IMPA2: variants seen among roughly 807,000 people sequenced by gnomAD.
The protein encoded by IMPA2 is inositol monophosphatase 2, also known as IMP 2.
Under a neutral mutation model 35.1 loss-of-function variants are expected in IMPA2, and 32 were observed. The ratio of observed to expected loss-of-function variants is 0.91; its 90% CI spans 0.69 to 1.23. The LOEUF (loss-of-function observed/expected upper bound fraction) is 1.23. Ranked by LOEUF, IMPA2 falls within the 50% of genes most tolerant of loss-of-function variation. IMPA2 has a pLI of 0.00. For missense variants in IMPA2, 334 were observed against 387.6 expected (o/e 0.86, Z 1.16); for synonymous variants, 135 against 160.6 (o/e 0.84, Z 1.20).
intron 2 of IMPA2, among the ~76,000 whole-genome samples, chr18:12,001,102 G>T (rs1265916): frequency 0.41 from 62,452 of 151,054 alleles, 14,867 homozygotes; most frequent in East Asian, 0.64. Flanking sequence ...GGTGGCGTGG[G>T]CCTGTAATTC....
At chr18:11,997,471 A>G (rs1906992326) in intron 1 of IMPA2, among the ~76,000 whole-genome samples, 1 of 150,662 alleles carries the variant, frequency 6.6e-6, no homozygotes, top group Admixed American at 6.6e-5. Flanking sequence ...TGAATTTTCT[A>G]TAACATATAT....
rs575264439 is a variant in IMPA2 at position 12,012,460 on chromosome 18, C to T, written c.381+245C>T. The T allele has an allele frequency of 2.6e-5, 14 of 538,924 alleles. No individual in the cohort carries two copies. In the South Asian group the frequency reaches 2.9e-4, roughly 11 times the overall value. The allele number at this position is 538,924 out of a possible 1,614,324, so 33.4% of individuals were successfully genotyped here. A position where few individuals can be genotyped will look rare whatever the true frequency, so the allele number is the denominator to read the frequency against. Reference sequence around the variant, plus strand: ...CGTGGAGGGCTGGCCTCGTGTCAACCGTGGTCTATTTGTGACACTGCTGTG... The same window carrying T: ...CGTGGAGGGCTGGCCTCGTGTCAACTGTGGTCTATTTGTGACACTGCTGTG... On this transcript the variant is annotated intron_variant, in intron 4 of 7. Coordinates refer to ENST00000269159, the MANE Select transcript of IMPA2 (RefSeq NM_014214.3).
At chr18:12,014,622 A>G (rs644004) in intron 5 of IMPA2, among the ~76,000 whole-genome samples, 65,270 of 151,854 alleles carry the variant, frequency 0.43, 18,014 homozygotes, top group Non-Finnish European at 0.62. Context: ...CTTTCAGGCT[A>G]AAAGTACTCC....
At chr18:12,003,478 T>C (rs1311355289) in intron 2 of IMPA2, among the ~76,000 whole-genome samples, 1 of 151,968 alleles carries the variant, frequency 6.6e-6, no homozygotes, top group Non-Finnish European at 1.5e-5. Flanking sequence ...AAACCCCGTC[T>C]CTACTAAAAA....
intron 5 of IMPA2, among the ~76,000 whole-genome samples, chr18:12,015,558 C>T (rs1217794180): frequency 6.6e-6 from 1 of 152,108 alleles, no homozygotes; most frequent in Non-Finnish European, 1.5e-5. Context: ...CAAGATTGTG[C>T]AAAGGAGAGG....
rs141129198 is a variant in IMPA2 at position 12,017,010 on chromosome 18, ATCTC to A, written c.490+2645_490+2648del. Among the ~76,000 whole-genome samples the A allele has an allele frequency of 3.3e-5, 5 of 151,808 alleles. No homozygotes were observed. The East Asian group carries it at 7.7e-4, about 23-fold the overall frequency. On this transcript the variant is annotated intron_variant, in intron 5 of 7. Transcript: ENST00000269159. ...ACAGTCATTAAAACAAGCACCACTA[ATCTC>A]TCTCTCTTTCTCCCTCTCTCTTTCT...
intron 7 of IMPA2, 90 bp downstream of exon 7, chr18:12,029,083 A>C: frequency 1.2e-6 from 1 of 837,700 alleles, no homozygotes; most frequent in East Asian, 3.2e-5. Flanking sequence ...CACCAACTGA[A>C]TTTCCCACCT....
At chr18:12,028,451 G>A (rs1221995686) in intron 6 of IMPA2, 1 of 451,322 alleles carries the variant, frequency 2.2e-6, no homozygotes, top group African/African-American at 1.9e-5. Flanking sequence ...GAGGGGGCCT[G>A]GCGTCAGACA....
intron 1 of IMPA2, among the ~76,000 whole-genome samples, chr18:11,995,840 A>G (rs983463269): frequency 1.3e-5 from 2 of 152,226 alleles, no homozygotes; most frequent in Admixed American, 6.5e-5. Flanking sequence ...GTTACAGTCT[A>G]TTCAAGCAGC....
At chr18:12,004,481 C>CT (rs1907199223) in intron 2 of IMPA2, among the ~76,000 whole-genome samples, 1 of 149,974 alleles carries the variant, frequency 6.7e-6, no homozygotes, top group African/African-American at 2.5e-5. Context: ...ATGGAATGTT[C>CT]TTTTTTTCCC....
chr18:11,984,070 G>A (rs16976886), intron 1 of IMPA2, among the ~76,000 whole-genome samples: 12,173 of 152,152 alleles, frequency 0.08, 808 homozygotes, highest in South Asian at 0.29. Flanking sequence ...TGTTCTAGAT[G>A]CGGAAAGGTG....
intron 1 of IMPA2, among the ~76,000 whole-genome samples, chr18:11,982,564 G>A (rs1447341627): frequency 1.3e-5 from 2 of 152,192 alleles, no homozygotes; most frequent in African/African-American, 2.4e-5. Context: ...GGAGGCCGAG[G>A]CGGGTGGACC....
intron 1 of IMPA2, among the ~76,000 whole-genome samples, 198 bp from the exon 2 acceptor site, chr18:11,998,856 C>T (rs1052649914): frequency 2.8e-5 from 4 of 141,872 alleles, no homozygotes; most frequent in African/African-American, 1.0e-4. Flanking sequence ...AGAGCCTAGG[C>T]TGTGATATTA....
In IMPA2 at chr18:12,028,886, C is replaced by A. The variant is rs1303975406; in HGVS notation, c.644C>A (p.Ala215Asp). 6 of 1,614,188 alleles carry A rather than the reference C, an allele frequency of 3.7e-6. No homozygotes were observed. The highest frequency in any genetic ancestry group is 4.2e-6 in the Non-Finnish European group (5 of 1,180,038). Residue 215 changes from alanine to aspartate, a missense_variant, in exon 7 of 8, where the codon GCC (alanine) becomes GAC (aspartate). By Grantham distance (126) the Ala-to-Asp change is moderately radical. Transcript: ENST00000269159. ...GSSTLALCHL[A>D]SGAADAYYQF... ...TCCACATTGGCACTCTGCCACCTGGCCTCAGGGGCCGCGGATGCCTATTAC... is the reference window on the plus strand; with the variant it reads ...TCCACATTGGCACTCTGCCACCTGGACTCAGGGGCCGCGGATGCCTATTAC...
At chr18:12,015,753 A>T (rs543190361) in intron 5 of IMPA2, among the ~76,000 whole-genome samples, 1 of 152,298 alleles carries the variant, frequency 6.6e-6, no homozygotes, top group East Asian at 1.9e-4. Context: ...AGTAGCTTTA[A>T]TTACAGCTGT....
chr18:12,022,528 A>AAATATATATATATATTTATAT, intron 5 of IMPA2, among the ~76,000 whole-genome samples: 1 of 96,822 alleles, frequency 1.0e-5, no homozygotes, highest in South Asian at 3.1e-4. Context: ...TCTCAAAAAG[A>AAATATATATATATATTTATAT]ATATATATAT....
rs560871534 is a variant in IMPA2 at position 11,991,760 on chromosome 18, C to G, written c.97-7294C>G. The stretch of plus-strand genomic sequence containing the variant: ...CTTTTCATTCTGTTTGGGCCCTCAG[C>G]TGTTGGACAAGGCCTGCCCACAGGA... On this transcript the variant is annotated intron_variant, in intron 1 of 7. Coordinates refer to ENST00000269159, the MANE Select transcript of IMPA2 (RefSeq NM_014214.3). The surrounding 1 kb of genome is among the most constrained non-coding windows in gnomAD (Gnocchi z 4.1). 6.6e-6 allele frequency among the ~76,000 whole-genome samples: 1 copy of G among 152,176 alleles called. No homozygotes were observed. The highest frequency in any genetic ancestry group is 1.5e-5 in the Non-Finnish European group (1 of 68,040).
At chr18:12,012,270 C>T (rs1236205885) in intron 4 of IMPA2, 55 bp downstream of exon 4, 2 of 1,475,234 alleles carry the variant, frequency 1.4e-6, no homozygotes, top group Admixed American at 3.5e-5. Flanking sequence ...TCTGGCCATC[C>T]TTCCTTTCTG....
chr18:12,012,370 A>G, intron 4 of IMPA2, 155 bp downstream of exon 4: 1 of 695,072 alleles, frequency 1.4e-6, no homozygotes, highest in Non-Finnish European at 2.5e-6. Context: ...AATCCGAGAA[A>G]ATAAACAAGT....
Sources: gnomAD v4.1 joint callset for allele counts (sites outside exome capture counted in the v4.1 genomes callset) on GRCh38, gnomAD v4.1.1 for gene constraint, Gnocchi (gnomAD v3.1) non-coding constraint, MANE v1.5 for transcripts, NCBI Gene and HGNC (gene_info 2026-07-23, HGNC 2026-07-21) for gene names.